Variants in DCAF8L2 observed in about 807,000 individuals in gnomAD.
DCAF8L2 encodes DDB1 and CUL4 associated factor 8 like 2.
For missense variants in DCAF8L2, 430 were observed against 490.7 expected, an observed-to-expected ratio of 0.88 and a Z score of 1.17; for synonymous variants, 200 against 190.9, an observed-to-expected ratio of 1.05 and a Z score of -0.39.
chrX:27,712,178 A>G (rs1931555912), intron 3 of DCAF8L2, among the ~76,000 whole-genome samples: 1 of 111,585 alleles, frequency 9.0e-6, no homozygotes, highest in South Asian at 3.7e-4. Context: ...TATTTAATCC[A>G]ATTAACATAT....
In DCAF8L2 at chrX:27,628,320, T is replaced by A. The variant is rs754709319; in HGVS notation, c.-341-3559T>A. On this transcript the variant is annotated intron_variant, in intron 1 of 4. Coordinates refer to ENST00000451261, the MANE Select transcript of DCAF8L2 (RefSeq NM_001353450.2). ...AGATATGTAAACCACATTATCTTTA[T>A]CCATTCATGAGTTGATGCCCACTTG... Among the ~76,000 whole-genome samples the A allele has an allele frequency of 2.5e-3, 281 of 112,027 alleles. 1 individual carries two copies. Among genetic ancestry groups the A allele is most frequent in the Non-Finnish European group, 4.1e-3 (217 of 53,222 alleles).
At chrX:27,482,127 G>A in the DCAF8L2 span, among the ~76,000 whole-genome samples, 1 of 110,881 alleles carries the variant, frequency 9.0e-6, no homozygotes, top group Non-Finnish European at 1.9e-5. Context: ...ATAATGTTTA[G>A]GAAATTTAAA....
chrX:27,624,851 C>G (rs1329807400), intron 1 of DCAF8L2, among the ~76,000 whole-genome samples: 1 of 111,378 alleles, frequency 9.0e-6, no homozygotes, highest in Admixed American at 9.5e-5. Flanking sequence ...ACAAAAAACT[C>G]AAGATGGATT....
intron 3 of DCAF8L2, among the ~76,000 whole-genome samples, chrX:27,685,417 C>G (rs943047961): frequency 9.0e-6 from 1 of 111,368 alleles, no homozygotes; most frequent in Non-Finnish European, 1.9e-5. Flanking sequence ...TCAATAACTG[C>G]ATAAATTCAT....
the DCAF8L2 span, among the ~76,000 whole-genome samples, chrX:27,481,347 C>T: frequency 4.7e-4 from 52 of 110,730 alleles, no homozygotes; most frequent in Admixed American, 1.4e-3. Context: ...CATTGCACTC[C>T]AGCCTGGGCA....
intron 2 of DCAF8L2, among the ~76,000 whole-genome samples, chrX:27,674,330 T>C (rs1930067620): frequency 9.0e-6 from 1 of 111,511 alleles, no homozygotes; most frequent in Admixed American, 9.6e-5. Flanking sequence ...GTGCCCCCCT[T>C]CCTATTTCTA....
rs1927900767 is a variant in DCAF8L2 at position 27,624,006 on chromosome X, A to G, written c.-341-7873A>G. Among the ~76,000 whole-genome samples the G allele has an allele frequency of 2.7e-5, 3 of 111,878 alleles. No individual in the cohort carries two copies. In the Admixed American group the frequency reaches 2.9e-4, roughly 11 times the overall value. ...CTCATTTAATATGCATGATCAACCAATGGAATTGGAATTATTTTCTAAGAT... is the reference window on the plus strand; with the variant it reads ...CTCATTTAATATGCATGATCAACCAGTGGAATTGGAATTATTTTCTAAGAT... On this transcript the variant is annotated intron_variant, in intron 1 of 4. Transcript: ENST00000451261.
the DCAF8L2 span, among the ~76,000 whole-genome samples, chrX:27,473,392 C>A: frequency 9.0e-6 from 1 of 110,934 alleles, no homozygotes; most frequent in African/African-American, 3.3e-5. Context: ...ATGGCATTTT[C>A]TAATATCCTT....
At chrX:27,482,365 A>G in the DCAF8L2 span, among the ~76,000 whole-genome samples, 3 of 111,778 alleles carry the variant, frequency 2.7e-5, no homozygotes, top group East Asian at 8.5e-4. Flanking sequence ...TTAAGTGCTC[A>G]GAAAATATGA....
chrX:27,566,638 T>C, the DCAF8L2 span, among the ~76,000 whole-genome samples: 74 of 111,573 alleles, frequency 6.6e-4, 1 homozygote, highest in East Asian at 0.017. Context: ...TTTTTCTTAG[T>C]TAGTGTAGCC....
In DCAF8L2 at chrX:27,653,761, C is replaced by CACACACACAA. The variant is rs1216615987; in HGVS notation, c.-220+21762_-220+21763insCACACACAAA. 2.5e-4 allele frequency among the ~76,000 whole-genome samples: 27 copies of CACACACACAA among 107,202 alleles called. No homozygotes were observed. In the East Asian group the frequency reaches 6.0e-3, roughly 24 times the overall value. 93.1% of individuals were successfully genotyped at this position (107,202 alleles called of 115,157 possible). A position where few individuals can be genotyped will look rare whatever the true frequency, so the allele number is the denominator to read the frequency against. Reference sequence around the variant, plus strand: ...ACACACACACACACACACACACACACAACATATATTTCCAGGAAGATTTTA... The same window carrying CACACACACAA: ...ACACACACACACACACACACACACACACACACACAAAACATATATTTCCAGGAAGATTTTA... On this transcript the variant is annotated intron_variant, in intron 2 of 4. Coordinates refer to ENST00000451261, the MANE Select transcript of DCAF8L2 (RefSeq NM_001353450.2).
the DCAF8L2 span, among the ~76,000 whole-genome samples, chrX:27,503,515 G>A: frequency 9.1e-6 from 1 of 109,781 alleles, no homozygotes; most frequent in Non-Finnish European, 1.9e-5. Flanking sequence ...TTTTTGCCTC[G>A]GGATGTCATA....
At chrX:27,705,491 G>GA (rs754507808) in intron 3 of DCAF8L2, among the ~76,000 whole-genome samples, 7 of 111,334 alleles carry the variant, frequency 6.3e-5, no homozygotes, top group African/African-American at 2.3e-4. Context: ...CCATCCTACT[G>GA]AATGCAAACT....
chrX:27,606,388 T>A (rs1487271330), intron 1 of DCAF8L2, among the ~76,000 whole-genome samples: 2 of 87,961 alleles, frequency 2.3e-5, no homozygotes, highest in Admixed American at 2.6e-4. Context: ...TATATTCTTT[T>A]GAGACAGAGT....
intron 1 of DCAF8L2, among the ~76,000 whole-genome samples, chrX:27,592,096 A>G (rs12008905): frequency 0.087 from 9,797 of 112,115 alleles, 871 homozygotes; most frequent in African/African-American, 0.27. Context: ...CCGTGGTGAG[A>G]GAGAAGGCGA....
At chrX:27,719,985 T>A (rs1931836639) in intron 4 of DCAF8L2, among the ~76,000 whole-genome samples, 1 of 111,153 alleles carries the variant, frequency 9.0e-6, no homozygotes, top group South Asian at 3.7e-4. Flanking sequence ...TGACAAAGAT[T>A]TTTTTCCTGT....
At chrX:27,572,234 G>A in the DCAF8L2 span, among the ~76,000 whole-genome samples, 7 of 111,073 alleles carry the variant, frequency 6.3e-5, no homozygotes, top group Non-Finnish European at 5.7e-5. Context: ...TAATGTAGAG[G>A]GTCTGATTGT....
chrX:27,533,170 GAAAGAAAGAAAGAA>G, the DCAF8L2 span, among the ~76,000 whole-genome samples: 108 of 12,660 alleles, frequency 8.5e-3, 3 homozygotes, highest in African/African-American at 0.018. Flanking sequence ...GAGAGAGAAA[GAAAGAAAGAAAGAA>G]AGAAAGAAAG....
the DCAF8L2 span, among the ~76,000 whole-genome samples, chrX:27,565,980 T>C: frequency 8.4e-4 from 93 of 110,834 alleles, no homozygotes; most frequent in Admixed American, 2.7e-3. Context: ...TGTGGACCCT[T>C]AGCATGAGTT....
Sources: allele counts gnomAD v4.1 joint callset (sites outside exome capture counted in the v4.1 genomes callset), GRCh38; gene constraint gnomAD v4.1.1; transcripts MANE v1.5; gene names NCBI Gene and HGNC (gene_info 2026-07-23, HGNC 2026-07-21).